Variants in C19orf44 observed in about 807,000 individuals in gnomAD.
C19orf44 encodes chromosome 19 open reading frame 44.
C19orf44 carries 43 observed loss-of-function variants against 50.7 expected under a neutral mutation model. The ratio of observed to expected loss-of-function variants is 0.85; its 90% CI spans 0.66 to 1.09. The LOEUF is 1.09. Among genes scored for constraint, C19orf44 ranks in the 50% least tolerant of loss-of-function variants. The pLI, the probability that C19orf44 is intolerant of heterozygous loss-of-function variation, is 0.00. For missense variants in C19orf44, 722 were observed against 836.2 expected (o/e 0.86, Z 1.68); for synonymous variants, 298 against 334.7 (o/e 0.89, Z 1.20).
Position 16,503,096 on chromosome 19 carries a change from C to A in C19orf44, c.791C>A (p.Pro264His). The A allele has an allele frequency of 6.2e-7, 1 of 1,613,988 alleles. No individual in the cohort carries two copies. Among genetic ancestry groups the A allele is most frequent in the Non-Finnish European group, 8.5e-7 (1 of 1,180,020 alleles). ...VPSQLRAFTV[P>H]SVELSSAKPS... ...TCTCAACTGAGAGCATTTACTGTAC[C>A]CAGCGTGGAACTCTCCAGCGCAAAG... Residue 264 changes from proline to histidine, a missense_variant, in exon 3 of 9, where the codon CCC becomes CAC. Physicochemically the swap from Pro to His is moderately conservative, Grantham distance 77. Transcript: ENST00000221671.
chr19:16,497,400 A>G (rs9989671), intron 1 of C19orf44, among the ~76,000 whole-genome samples: 122,443 of 145,380 alleles, frequency 0.84, 51,668 homozygotes, highest in South Asian at 0.88. Context: ...ACTTAGGCTG[A>G]AGTGCAATGG....
At chr19:16,503,536 G>A (rs565136638) in intron 3 of C19orf44, among the ~76,000 whole-genome samples, 156 bp downstream of exon 3, 1 of 152,212 alleles carries the variant, frequency 6.6e-6, no homozygotes, top group African/African-American at 2.4e-5. Flanking sequence ...CTGGTTGAGG[G>A]GCCAAGTCCG....
intron 5 of C19orf44, chr19:16,510,289 C>T: frequency 2.6e-6 from 1 of 380,236 alleles, no homozygotes; most frequent in Non-Finnish European, 5.0e-6. Flanking sequence ...TTCCTGTAAT[C>T]CCAGCTACTC....
chr19:16,514,447 G>C, intron 6 of C19orf44, 50 bp from the exon 7 acceptor site: 1 of 1,512,368 alleles, frequency 6.6e-7, no homozygotes, highest in Admixed American at 2.0e-5. Flanking sequence ...GGGGGCTGCA[G>C]AATTTGTGGG....
intron 3 of C19orf44, among the ~76,000 whole-genome samples, chr19:16,504,232 G>A (rs1441629370): frequency 1.3e-5 from 2 of 152,022 alleles, no homozygotes; most frequent in African/African-American, 4.8e-5. Flanking sequence ...AACCTGTTGG[G>A]GCACCAGAAT....
chr19:16,519,568 G>C lies in C19orf44; in HGVS notation c.*41-526G>C. 1 of 1,501,330 alleles carries C rather than the reference G, an allele frequency of 6.7e-7. No individual in the cohort carries two copies. Among genetic ancestry groups the C allele is most frequent in the South Asian group, 1.1e-5 (1 of 88,702 alleles). 93.0% of individuals were successfully genotyped at this position (1,501,330 alleles called of 1,614,324 possible). On this transcript the variant is annotated intron_variant, in intron 8 of 8. Coordinates refer to ENST00000221671, the MANE Select transcript of C19orf44 (RefSeq NM_032207.4). This position sits in a 1 kb window ranked among gnomAD's most constrained non-coding sequence, Gnocchi z 6.0. ...GAAGAGAAAGCGCTGGTGACTCCCG[G>C]GCCCAGCACGCGTGAGGACCCATCC...
Position 16,501,015 on chromosome 19 carries a change from A to C in C19orf44, c.223A>C (p.Arg75=). The C allele has an allele frequency of 1.2e-6, 2 of 1,614,036 alleles. No homozygotes were observed. Among genetic ancestry groups the C allele is most frequent in the Non-Finnish European group, 1.7e-6 (2 of 1,179,956 alleles). Residue 75 remains arginine, a synonymous_variant, in exon 2 of 9, where the codon AGG becomes CGG. Transcript: ENST00000221671. The part of the protein sequence containing the change: ...KENPVLGSGP[R]LASCRPPTTA... ...GAACCCTGTGCTCGGGAGTGGACCC[A>C]GGCTTGCCTCATGTAGACCGCCCAC...
intron 7 of C19orf44, among the ~76,000 whole-genome samples, chr19:16,515,249 T>A (rs1268996506): frequency 2.0e-5 from 3 of 152,130 alleles, no homozygotes; most frequent in Non-Finnish European, 2.9e-5. Flanking sequence ...TAGTCCCAGC[T>A]ACTCAGGAGG....
chr19:16,519,077 C>T lies in C19orf44; in HGVS notation c.*41-1017C>T, dbSNP rs956528478. 12 of 1,287,484 alleles carry T rather than the reference C, an allele frequency of 9.3e-6. No individual in the cohort carries two copies. Among genetic ancestry groups the T allele is most frequent in the East Asian group, 2.5e-5 (1 of 40,108 alleles). The allele number at this position is 1,287,484 out of a possible 1,614,324, so 79.8% of individuals were successfully genotyped here. On this transcript the variant is annotated intron_variant, in intron 8 of 8. Transcript: ENST00000221671. This position sits in a 1 kb window ranked among gnomAD's most constrained non-coding sequence, Gnocchi z 6.0. ...AGACGGTGTAAGAACTGAGCTGTCA[C>T]TGCAATCTTCCTCTGCCAGTCAGCC...
chr19:16,501,539 A>T lies in C19orf44; in HGVS notation c.747A>T (p.Arg249Ser). 7.1e-7 allele frequency: 1 copy of T among 1,407,032 alleles called. No individual in the cohort carries two copies. Among genetic ancestry groups the T allele is most frequent in the East Asian group, 2.6e-5 (1 of 37,776 alleles). 87.2% of individuals were successfully genotyped at this position (1,407,032 alleles called of 1,614,324 possible). A position where few individuals can be genotyped will look rare whatever the true frequency, so the allele number is the denominator to read the frequency against. The stretch of plus-strand genomic sequence containing the variant: ...CTAACGTCAGCGAGGAAGAAGAAAG[A>T]AAACTATTTTCGGTGAGATTTTTTT... Reference protein sequence around the residue: ...SSANVSEEEERKLFSVPSQLR... With the variant: ...SSANVSEEEESKLFSVPSQLR... The change falls in exon 2 of 9, where the codon AGA becomes AGT. Residue 249 changes from arginine to serine, a missense_variant. Physicochemically the swap from Arg to Ser is moderately radical, Grantham distance 110. Coordinates refer to ENST00000221671, the MANE Select transcript of C19orf44 (RefSeq NM_032207.4).
At chr19:16,507,032 A>T (rs1163093561) in intron 4 of C19orf44, among the ~76,000 whole-genome samples, 7 of 152,130 alleles carry the variant, frequency 4.6e-5, no homozygotes, top group Non-Finnish European at 1.0e-4. Flanking sequence ...TAGTTTTCAA[A>T]TCTGCCCCCC....
chr19:16,514,870 G>A (rs1056442365), intron 7 of C19orf44, among the ~76,000 whole-genome samples: 2 of 152,202 alleles, frequency 1.3e-5, no homozygotes, highest in African/African-American at 4.8e-5. Flanking sequence ...GGGGTGCTGA[G>A]CTCCTGCACC....
Position 16,519,984 on chromosome 19 carries a change from C to G in C19orf44, c.*41-110C>G, listed in dbSNP as rs538499530. The stretch of plus-strand genomic sequence containing the variant: ...AGCAGACCCCAGTTACTGCCTCAGG[C>G]TTCGCCAAGTGGCTACTGTGGTGAA... On this transcript the variant is annotated intron_variant, in intron 8 of 8. Coordinates refer to ENST00000221671, the MANE Select transcript of C19orf44 (RefSeq NM_032207.4). The surrounding 1 kb of genome is among the most constrained non-coding windows in gnomAD (Gnocchi z 6.0). The G allele has an allele frequency of 8.7e-5, 67 of 772,760 alleles. No individual in the cohort carries two copies. In the African/African-American group the frequency reaches 1.1e-3, roughly 13 times the overall value. The allele number at this position is 772,760 out of a possible 1,614,324, so 47.9% of individuals were successfully genotyped here.
At chr19:16,497,497 C>T (rs1434248275) in intron 1 of C19orf44, among the ~76,000 whole-genome samples, 1 of 151,648 alleles carries the variant, frequency 6.6e-6, no homozygotes, top group Non-Finnish European at 1.5e-5. Context: ...ATTACAGGCG[C>T]ATGACACCAC....
intron 5 of C19orf44, among the ~76,000 whole-genome samples, chr19:16,510,453 G>C (rs761361920): frequency 1.3e-5 from 2 of 152,022 alleles, no homozygotes; most frequent in African/African-American, 4.8e-5. Flanking sequence ...CTCTTCCATG[G>C]ACGAGGGACA....
At chr19:16,514,709 G>T in intron 7 of C19orf44, 46 bp downstream of exon 7, 1 of 1,471,624 alleles carries the variant, frequency 6.8e-7, no homozygotes. Context: ...TAGGGGAGCG[G>T]CAGCTCCCAG....
chr19:16,520,388 C>G lies in C19orf44; in HGVS notation c.*335C>G. 6.2e-7 allele frequency: 1 copy of G among 1,614,028 alleles called. No individual in the cohort carries two copies. On this transcript the variant is annotated 3_prime_UTR_variant, in exon 9 of 9. Coordinates refer to ENST00000221671, the MANE Select transcript of C19orf44 (RefSeq NM_032207.4). The surrounding 1 kb of genome is among the most constrained non-coding windows in gnomAD (Gnocchi z 4.0). ...CCTAGATCTGGAGCGGGAGTAGGAA[C>G]GGGAGCAGGAGCGCGACCTTGACCT...
chr19:16,513,989 T>C (rs1026979214), intron 6 of C19orf44, among the ~76,000 whole-genome samples: 3 of 149,028 alleles, frequency 2.0e-5, no homozygotes, highest in Non-Finnish European at 3.0e-5. Context: ...TTTTCAATTT[T>C]TTAATTTTTT....
Position 16,520,754 on chromosome 19 carries a change from T to G in C19orf44, c.*701T>G, listed in dbSNP as rs577829774. The G allele has an allele frequency of 7.0e-7, 1 of 1,427,462 alleles. No individual in the cohort carries two copies. Among genetic ancestry groups the G allele is most frequent in the Admixed American group, 1.7e-5 (1 of 59,764 alleles). 88.4% of individuals were successfully genotyped at this position (1,427,462 alleles called of 1,614,324 possible). Reference sequence around the variant, plus strand: ...TGAGGGTGGACGTGATGAGTGTATCTGGGGTCTGCTCCCACCCATCACAAG... The same window carrying G: ...TGAGGGTGGACGTGATGAGTGTATCGGGGGTCTGCTCCCACCCATCACAAG... On this transcript the variant is annotated 3_prime_UTR_variant, in exon 9 of 9. Transcript: ENST00000221671. The surrounding 1 kb of genome is among the most constrained non-coding windows in gnomAD (Gnocchi z 4.0).
Sources: allele counts gnomAD v4.1 joint callset (sites outside exome capture counted in the v4.1 genomes callset), GRCh38; gene constraint gnomAD v4.1.1; non-coding constraint Gnocchi (gnomAD v3.1); transcripts MANE v1.5; gene names NCBI Gene and HGNC (gene_info 2026-07-23, HGNC 2026-07-21).